The following ANXA8 variants were observed in gnomAD, a reference collection of about 807,000 sequenced individuals.
ANXA8 encodes the protein VAC-beta.
A neutral mutation model predicts 26.8 loss-of-function variants in ANXA8; 9 were observed. That is an observed-to-expected ratio of 0.34 (90% CI 0.20 to 0.59). The LOEUF (loss-of-function observed/expected upper bound fraction) is 0.59. ANXA8 is among the 20% of genes least tolerant of loss of function. ANXA8 has a pLI of 0.84. For missense variants in ANXA8, 83 were observed against 238.5 expected (o/e 0.35, Z 4.29); for synonymous variants, 39 against 94.8 (o/e 0.41, Z 3.42).
At chr10:47,941,723 G>C in the ANXA8 span, among the ~76,000 whole-genome samples, 1 of 147,830 alleles carries the variant, frequency 6.8e-6, no homozygotes, top group Non-Finnish European at 1.5e-5. Flanking sequence ...CACAATGAGA[G>C]GGAAGCCACT....
the ANXA8 span, among the ~76,000 whole-genome samples, chr10:47,949,001 T>C: frequency 8.6e-5 from 12 of 139,844 alleles, no homozygotes; most frequent in South Asian, 2.6e-3. Context: ...ATCAGCTTTT[T>C]ATGAGTCTTG....
the ANXA8 span, among the ~76,000 whole-genome samples, chr10:47,700,629 C>T: frequency 6.6e-6 from 1 of 151,384 alleles, no homozygotes; most frequent in East Asian, 1.9e-4. Context: ...AATCCAGGGG[C>T]AGTAGAAGAT....
the ANXA8 span, among the ~76,000 whole-genome samples, chr10:47,929,096 A>C: frequency 8.8e-6 from 1 of 113,702 alleles, no homozygotes; most frequent in South Asian, 3.4e-4. Context: ...GGCCTCCCAA[A>C]GTGCTGGGAT....
chr10:47,659,839 C>A, the ANXA8 span, among the ~76,000 whole-genome samples: 8 of 151,630 alleles, frequency 5.3e-5, 1 homozygote, highest in Non-Finnish European at 4.4e-5. Context: ...TCACTGCAAC[C>A]TCCGCCTCCC....
chr10:47,683,457 T>C, the ANXA8 span, among the ~76,000 whole-genome samples: 2 of 151,970 alleles, frequency 1.3e-5, no homozygotes, highest in Non-Finnish European at 2.9e-5. Flanking sequence ...CTCGATCTCC[T>C]GACTTCGTGA....
chr10:47,687,314 G>A, the ANXA8 span, among the ~76,000 whole-genome samples: 1 of 150,480 alleles, frequency 6.6e-6, no homozygotes, highest in Admixed American at 6.6e-5. Flanking sequence ...CCAGGCTGGA[G>A]TGCTGGAGTG....
the ANXA8 span, among the ~76,000 whole-genome samples, chr10:47,981,022 T>A: frequency 2.6e-5 from 4 of 151,370 alleles, no homozygotes; most frequent in African/African-American, 9.7e-5. Context: ...CACAGCAATA[T>A]CTTTCATGAA....
At chr10:47,703,539 G>A in the ANXA8 span, among the ~76,000 whole-genome samples, 1 of 149,658 alleles carries the variant, frequency 6.7e-6, no homozygotes, top group South Asian at 2.1e-4. Context: ...CTGCACTTCA[G>A]CCTGGGCAAC....
At chr10:47,976,381 T>C in the ANXA8 span, among the ~76,000 whole-genome samples, 9 of 151,440 alleles carry the variant, frequency 5.9e-5, no homozygotes, top group Non-Finnish European at 1.2e-4. Flanking sequence ...TTATTCGTAG[T>C]CTTCTTTTCC....
the ANXA8 span, among the ~76,000 whole-genome samples, chr10:47,530,237 G>A: frequency 7.1e-6 from 1 of 141,552 alleles, no homozygotes; most frequent in Non-Finnish European, 1.5e-5. Flanking sequence ...TTTTCACAAG[G>A]TTTGAGTCTG....
the ANXA8 span, chr10:47,986,716 G>C: frequency 2.8e-6 from 1 of 357,304 alleles, no homozygotes; most frequent in Non-Finnish European, 5.5e-6. Flanking sequence ...GCTGCGGAGA[G>C]TCAGGTTCTC....
chr10:47,689,597 T>A, the ANXA8 span: 3 of 506,982 alleles, frequency 5.9e-6, no homozygotes, highest in South Asian at 4.4e-5. Context: ...ATGTTAATTA[T>A]GTTTTTGACT....
At chr10:47,546,695 G>A in the ANXA8 span, among the ~76,000 whole-genome samples, 4 of 134,656 alleles carry the variant, frequency 3.0e-5, no homozygotes, top group African/African-American at 5.4e-5. Flanking sequence ...GTGAGCCACC[G>A]CACCTGGCCA....
the ANXA8 span, among the ~76,000 whole-genome samples, chr10:47,720,918 G>T: frequency 2.9e-5 from 4 of 139,854 alleles, no homozygotes; most frequent in Admixed American, 2.9e-4. Context: ...AGGCCGTGGT[G>T]GGGGGATCGC....
At chr10:47,700,467 T>C in the ANXA8 span, among the ~76,000 whole-genome samples, 1 of 151,790 alleles carries the variant, frequency 6.6e-6, no homozygotes, top group Non-Finnish European at 1.5e-5. Context: ...AAAGGGAAAA[T>C]TGGACACGTA....
chr10:47,714,278 T>C, the ANXA8 span, among the ~76,000 whole-genome samples: 1 of 141,696 alleles, frequency 7.1e-6, no homozygotes, highest in Non-Finnish European at 1.5e-5. Flanking sequence ...GCTTTAGTTC[T>C]AGCTAGTGAT....
the ANXA8 span, among the ~76,000 whole-genome samples, chr10:47,653,034 G>A: frequency 2.6e-5 from 4 of 151,454 alleles, no homozygotes; most frequent in African/African-American, 4.9e-5. Flanking sequence ...AGTCAAGCCC[G>A]TGTGCAGTGG....
At chr10:47,756,213 A>G in the ANXA8 span, 1 of 350,586 alleles carries the variant, frequency 2.9e-6, no homozygotes, top group Non-Finnish European at 4.7e-6. Context: ...AGACACTTTG[A>G]CAAACACACC....
the ANXA8 span, among the ~76,000 whole-genome samples, chr10:47,645,693 A>T: frequency 1.3e-3 from 196 of 151,474 alleles, no homozygotes; most frequent in African/African-American, 4.6e-3. Context: ...ATAAAACATT[A>T]TTTCTGAGTA....
Sources: gnomAD v4.1 joint callset for allele counts (sites outside exome capture counted in the v4.1 genomes callset) on GRCh38, gnomAD v4.1.1 for gene constraint, MANE v1.5 for transcripts, NCBI Gene and HGNC (gene_info 2026-07-23, HGNC 2026-07-21) for gene names.